COA6: variants seen among roughly 807,000 people sequenced by gnomAD.
COA6 encodes the protein cytochrome c oxidase assembly factor 6, also known as cytochrome c oxidase assembly factor 6 homolog.
In COA6, 12 loss-of-function variants were observed where a neutral mutation model predicts 17.1. The observed-to-expected ratio is 0.70, with a 90% CI of 0.45 to 1.14. COA6 has a LOEUF of 1.14. COA6 is among the 50% of genes most tolerant of loss of function. The pLI, the probability that COA6 is intolerant of heterozygous loss-of-function variation, is 0.00. For synonymous variants in COA6, 90 were observed against 73.4 expected (o/e 1.23, Z -1.16); for missense variants, 246 against 196.5 (o/e 1.25, Z -1.51).
chr1:234,384,509 A>G lies in COA6; in HGVS notation c.*691A>G, dbSNP rs1659073980. Among the ~76,000 whole-genome samples the G allele has an allele frequency of 6.6e-6, 1 of 152,242 alleles. No individual in the cohort carries two copies. Among genetic ancestry groups the G allele is most frequent in the Admixed American group, 6.5e-5 (1 of 15,286 alleles). On this transcript the variant is annotated 3_prime_UTR_variant, in exon 3 of 3. Transcript: ENST00000366615. ...GGAAACAAGGTCAATATACACAAGGAAAATTATATTCCTATATATCAGCAA... is the reference window on the plus strand; with the variant it reads ...GGAAACAAGGTCAATATACACAAGGGAAATTATATTCCTATATATCAGCAA...
At chr1:234,376,073 G>T (rs575458968) in intron 2 of COA6, among the ~76,000 whole-genome samples, 49 of 152,312 alleles carry the variant, frequency 3.2e-4, no homozygotes, top group African/African-American at 1.0e-3. Context: ...ACTGATCAAT[G>T]TGGGACTCTA....
chr1:234,373,532 G>A lies in COA6; in HGVS notation c.66G>A (p.Gly22=). The change falls in exon 1 of 3, where the codon GGG becomes GGA. Residue 22 remains glycine (G), a synonymous_variant. Coordinates refer to ENST00000366615, the MANE Select transcript of COA6 (RefSeq NM_001206641.3). ...FRRVSCFLRL[G]RSTLLELEPA... ...GCGTGAGTTGCTTTTTGCGGCTGGG[G>A]AGGTCTACGCTTCTAGAGCTTGAGC... 3 of 1,609,544 alleles carry A rather than the reference G, an allele frequency of 1.9e-6. No individual in the cohort carries two copies.
rs747544091 is a variant in COA6, at chr1:234,383,719, A to G, written c.373-4A>G. 3.7e-5 allele frequency: 46 copies of G among 1,248,214 alleles called. 1 individual carries two copies. Among genetic ancestry groups the G allele is most frequent in the Non-Finnish European group, 5.1e-5 (44 of 863,246 alleles). 77.3% of individuals were successfully genotyped at this position (1,248,214 alleles called of 1,614,324 possible). On this transcript the variant is annotated splice_polypyrimidine_tract_variant and splice_region_variant and intron_variant, in intron 2 of 2. Coordinates refer to ENST00000366615, the MANE Select transcript of COA6 (RefSeq NM_001206641.3). ...TTATTTCAAATCCTTTTTTTTTCCA[A>G]CAGATAAAATATTTTGATAAAAGAA...
At chr1:234,373,775 G>A in intron 1 of COA6, 97 bp downstream of exon 1, 1 of 1,613,740 alleles carries the variant, frequency 6.2e-7, no homozygotes, top group Non-Finnish European at 8.5e-7. Flanking sequence ...TGTGCAAAAC[G>A]GGGTGGCACT....
chr1:234,378,110 G>A (rs963380705), intron 2 of COA6, among the ~76,000 whole-genome samples: 13 of 152,160 alleles, frequency 8.5e-5, no homozygotes, highest in Admixed American at 3.3e-4. Flanking sequence ...GTACATTCAC[G>A]TGTTTTGTAA....
At position 234,373,601 on chromosome 1, in the gene COA6, C is replaced by G; in HGVS notation, c.135C>G (p.Leu45=). The G allele has an allele frequency of 6.2e-7, 1 of 1,612,696 alleles. No homozygotes were observed. The highest frequency in any genetic ancestry group is 8.5e-7 in the Non-Finnish European group (1 of 1,179,578). ...PCSGRTRHRA[L]HRRLVACVTV... The stretch of plus-strand genomic sequence containing the variant: ...GTGGCAGGACTCGGCACCGCGCCCT[C>G]CACCGCCGGTTGGTGGCCTGCGTGA... The change falls in exon 1 of 3, where the codon CTC becomes CTG. Residue 45 remains leucine, a synonymous_variant. Coordinates refer to ENST00000366615, the MANE Select transcript of COA6 (RefSeq NM_001206641.3).
intron 2 of COA6, among the ~76,000 whole-genome samples, chr1:234,377,133 T>TTTTTTGTTGTTGTTGTTGTTG: frequency 1.4e-5 from 1 of 69,572 alleles, no homozygotes; most frequent in African/African-American, 9.2e-5. Context: ...TTTTGTTTTT[T>TTTTTTGTTGTTGTTGTTGTTG]TTGTTGTTGT....
chr1:234,374,131 G>A (rs1658710886), intron 1 of COA6, 99 bp from the exon 2 acceptor site: 6 of 849,542 alleles, frequency 7.1e-6, no homozygotes, highest in Non-Finnish European at 6.9e-6. Flanking sequence ...TTTTTTTTTA[G>A]TTTTAAAGGA....
chr1:234,373,755 G>C, intron 1 of COA6, 77 bp downstream of exon 1: 1 of 1,613,840 alleles, frequency 6.2e-7, no homozygotes, highest in African/African-American at 1.3e-5. Context: ...CCCGAGCCGC[G>C]GGTTCCTCTT....
At chr1:234,375,906 T>G (rs2103016129) in intron 2 of COA6, among the ~76,000 whole-genome samples, 1 of 152,270 alleles carries the variant, frequency 6.6e-6, no homozygotes, top group South Asian at 2.1e-4. Context: ...TCTTCCCACC[T>G]CGACCTCCCA....
chr1:234,381,412 C>T (rs1007139697), intron 2 of COA6, among the ~76,000 whole-genome samples: 9 of 152,104 alleles, frequency 5.9e-5, no homozygotes, highest in Admixed American at 2.0e-4. Context: ...AATCAAGACG[C>T]GCAGGAAATG....
At chr1:234,381,767 G>A (rs1166694312) in intron 2 of COA6, among the ~76,000 whole-genome samples, 1 of 152,216 alleles carries the variant, frequency 6.6e-6, no homozygotes, top group Non-Finnish European at 1.5e-5. Context: ...CTAGGTAGAT[G>A]TGATGCGTTC....
At position 234,373,572 on chromosome 1, in the gene COA6, T is replaced by A. The variant is rs777527277; in HGVS notation, c.106T>A (p.Cys36Ser). ...AGAGCTTGAGCCAGCGGGGCGACCC[T>A]GCAGTGGCAGGACTCGGCACCGCGC... Reference protein sequence around the residue: ...LLELEPAGRPCSGRTRHRALH... With the variant: ...LLELEPAGRPSSGRTRHRALH... The change falls in exon 1 of 3, where the codon TGC becomes AGC. Residue 36 changes from cysteine to serine, a missense_variant. Coordinates refer to ENST00000366615, the MANE Select transcript of COA6 (RefSeq NM_001206641.3). 2.2e-5 allele frequency: 36 copies of A among 1,612,282 alleles called. No individual in the cohort carries two copies. In the African/African-American group the frequency reaches 4.5e-4, roughly 20 times the overall value.
chr1:234,384,815 G>GTATT lies in COA6; in HGVS notation c.*998_*1001dup, dbSNP rs1476996398. On this transcript the variant is annotated 3_prime_UTR_variant, in exon 3 of 3. Transcript: ENST00000366615. The stretch of plus-strand genomic sequence containing the variant: ...ATCCAGTATAACACCTATTTACATT[G>GTATT]TATTAGGTATTGTAAGTCATTGAGA... 2.6e-5 allele frequency among the ~76,000 whole-genome samples: 4 copies of GTATT among 152,160 alleles called. No individual in the cohort carries two copies. The highest frequency in any genetic ancestry group is 7.2e-5 in the African/African-American group (3 of 41,442).
chr1:234,374,031 G>C (rs1658704965), intron 1 of COA6, 199 bp from the exon 2 acceptor site: 2 of 914,228 alleles, frequency 2.2e-6, no homozygotes, highest in Non-Finnish European at 3.2e-6. Context: ...CTCAAGAGCG[G>C]GTGGCCTTAT....
chr1:234,374,196 C>T, intron 1 of COA6, 34 bp from the exon 2 acceptor site: 1 of 1,574,856 alleles, frequency 6.3e-7, no homozygotes, highest in East Asian at 2.3e-5. Context: ...TTACAAAGTT[C>T]ATTGTTAATC....
Position 234,374,341 on chromosome 1 carries a change from A to G in COA6, c.324A>G (p.Gln108=), listed in dbSNP as rs774448779. Residue 108 remains glutamine (Q), a synonymous_variant, in exon 2 of 3, where the codon CAA becomes CAG. Coordinates refer to ENST00000366615, the MANE Select transcript of COA6 (RefSeq NM_001206641.3). The part of the protein sequence containing the change: ...CLDENLEDAS[Q]CKKLRSSFES... ...ATGAGAACTTAGAGGATGCTTCTCA[A>G]TGCAAGAAGTTAAGAAGCTCTTTCG... is the stretch of plus-strand genomic sequence containing the variant. 6.2e-6 allele frequency: 10 copies of G among 1,614,130 alleles called. No homozygotes were observed. The highest frequency in any genetic ancestry group is 1.7e-4 in the Middle Eastern group (1 of 6,044).
chr1:234,380,877 G>T lies in COA6; in HGVS notation c.373-2846G>T, dbSNP rs957031204. 2.6e-5 allele frequency among the ~76,000 whole-genome samples: 4 copies of T among 152,328 alleles called. No homozygotes were observed. In the East Asian group the frequency reaches 7.7e-4, roughly 29 times the overall value. On this transcript the variant is annotated intron_variant, in intron 2 of 2. Coordinates refer to ENST00000366615, the MANE Select transcript of COA6 (RefSeq NM_001206641.3). ...TAGCCAGGCGCGGTGGCACGCGCCT[G>T]TAGTCCCACCTACTCGGGAGGCTGA...
chr1:234,383,064 G>GAGGGAGGGAGGGAGGGAAGGGAAGGGA (rs1170468585), intron 2 of COA6, among the ~76,000 whole-genome samples: 2 of 112,426 alleles, frequency 1.8e-5, no homozygotes, highest in Non-Finnish European at 3.8e-5. Context: ...GGGAGGGAGG[G>GAGGGAGGGAGGGAGGGAAGGGAAGGGA]AGGGAAGGGA....
Sources: allele counts gnomAD v4.1 joint callset (sites outside exome capture counted in the v4.1 genomes callset), GRCh38; gene constraint gnomAD v4.1.1; transcripts MANE v1.5; gene names NCBI Gene and HGNC (gene_info 2026-07-23, HGNC 2026-07-21).